EML3: variants seen among roughly 807,000 people sequenced by gnomAD.
The protein encoded by EML3 is echinoderm microtubule-associated protein-like 3.
EML3 carries 53 observed loss-of-function variants against 106.7 expected under a neutral mutation model. That is an observed-to-expected ratio of 0.50 (90% CI 0.40 to 0.62). EML3 has a LOEUF of 0.62. Among genes scored for constraint, EML3 ranks in the 20% least tolerant of loss-of-function variants. The probability of loss-of-function intolerance (pLI) is 0.00; values close to 1 mark genes in which losing one functional copy is unlikely to be tolerated. For missense variants in EML3, 994 were observed against 1,209.1 expected (o/e 0.82, Z 2.64); for synonymous variants, 499 against 489.6 (o/e 1.02, Z -0.25).
chr11:62,609,022 G>A lies in EML3; in HGVS notation c.869C>T (p.Pro290Leu), dbSNP rs779915601. ...CTGGCCGCCACCTCCAGGACCCCCT[G>A]GGCCTCCTCCAGGCCGGTACAGCAC... Reference protein sequence around the residue: ...VVVLYRPGGGPGGPGGGGQRH... With the variant: ...VVVLYRPGGGLGGPGGGGQRH... Residue 290 changes from proline (P) to leucine (L), a missense_variant, in exon 7 of 22, where the codon CCA becomes CTA. This residue lies in a region of EML3 where 713 missense variants were observed against 920.5 expected (regional missense o/e 0.77). Coordinates refer to ENST00000394773, the MANE Select transcript of EML3 (RefSeq NM_153265.3). 5.6e-6 allele frequency: 9 copies of A among 1,613,854 alleles called. No homozygotes were observed. In the South Asian group the frequency reaches 8.8e-5, roughly 16 times the overall value.
Position 62,611,219 on chromosome 11 carries a change from G to A in EML3, c.320C>T (p.Pro107Leu), listed in dbSNP as rs200820028. The A allele has an allele frequency of 2.0e-4, 324 of 1,611,048 alleles. 2 individuals carry two copies. The South Asian group carries it at 3.5e-3, about 17-fold the overall frequency. ...CTCTTCGCTGGCCCCCTGAGGGGCTGGGGGTCCATTGCTCAGGCCAGGGGG... is the reference window on the plus strand; with the variant it reads ...CTCTTCGCTGGCCCCCTGAGGGGCTAGGGGTCCATTGCTCAGGCCAGGGGG... ...PGPPGLSNGP[P>L]APQGASEEPS... is the part of the protein sequence containing the mutation. Residue 107 changes from proline (P) to leucine (L), a missense_variant, in exon 3 of 22, where the codon CCA (proline) becomes CTA (leucine). This residue lies in a region of EML3 where 269 missense variants were observed against 265.1 expected (regional missense o/e 1.01). Coordinates refer to ENST00000394773, the MANE Select transcript of EML3 (RefSeq NM_153265.3).
In EML3 at chr11:62,605,744, G is replaced by A. The variant is rs1164872780; in HGVS notation, c.1812C>T (p.Cys604=). 1.9e-6 allele frequency: 3 copies of A among 1,598,672 alleles called. No homozygotes were observed. The highest frequency in any genetic ancestry group is 2.6e-6 in the Non-Finnish European group (3 of 1,171,936). The change falls in exon 15 of 22, where the codon TGC becomes TGT. Residue 604 remains cysteine (C), a synonymous_variant. Coordinates refer to ENST00000394773, the MANE Select transcript of EML3 (RefSeq NM_153265.3). The surrounding 1 kb of genome is among the most constrained non-coding windows in gnomAD (Gnocchi z 5.2). ...QGHTDELWGL[C]THPSQNRFLT... ...GGAAGCGGTTCTGGGAGGGGTGTGT[G>A]CAGAGCCCCCAGAGCTCATCAGTGT...
Position 62,604,199 on chromosome 11 carries a change from C to A in EML3, c.1985G>T (p.Trp662Leu), listed in dbSNP as rs1212423967. The change falls in exon 17 of 22, where the codon TGG becomes TTG. Residue 662 changes from tryptophan (W) to leucine (L), a missense_variant and splice_region_variant. Trp to Leu is a moderately conservative substitution (Grantham distance 61). Coordinates refer to ENST00000394773, the MANE Select transcript of EML3 (RefSeq NM_153265.3). ...VVAVGLNTGRWLVLDTETREI... is the reference protein window; with the variant it reads ...VVAVGLNTGRLLVLDTETREI... ...TCTGGTCTCTGTGTCCAAAACCAAC[C>A]ACCTGGAAGGGAGGGAAGTGGAGGC... is the stretch of plus-strand genomic sequence containing the variant. 6.2e-7 allele frequency: 1 copy of A among 1,613,766 alleles called. No homozygotes were observed. The highest frequency in any genetic ancestry group is 8.5e-7 in the Non-Finnish European group (1 of 1,179,954).
intron 10 of EML3, 138 bp downstream of exon 10, chr11:62,608,063 G>A (rs929683248): frequency 3.3e-6 from 3 of 903,086 alleles, no homozygotes; most frequent in African/African-American, 3.3e-5. Context: ...AGAAACTAAG[G>A]GTCAGAGAAG....
chr11:62,606,917 T>C, intron 12 of EML3, 41 bp downstream of exon 12: 4 of 1,582,866 alleles, frequency 2.5e-6, no homozygotes, highest in Non-Finnish European at 3.4e-6. Context: ...ACAGAACCTC[T>C]GGAGTACTAC....
At chr11:62,606,856 C>CAAA (rs71056532) in intron 12 of EML3, 102 bp downstream of exon 12, 17,952 of 911,260 alleles carry the variant, frequency 0.02, 5 homozygotes, top group Non-Finnish European at 0.023. Flanking sequence ...GACCTCATCT[C>CAAA]AAAAAAAAAA....
intron 1 of EML3, chr11:62,612,104 CAG>C: frequency 2.2e-6 from 1 of 454,082 alleles, no homozygotes; most frequent in Non-Finnish European, 3.9e-6. Context: ...GAGTGGTGAG[CAG>C]AGTCACAGTG....
intron 7 of EML3, 30 bp downstream of exon 7, chr11:62,608,932 T>C (rs1295004816): frequency 6.2e-7 from 1 of 1,610,104 alleles, no homozygotes; most frequent in African/African-American, 1.3e-5. Flanking sequence ...ACCCTCTTCC[T>C]GCCAAGCCCA....
In EML3 at chr11:62,611,216, G is replaced by A; in HGVS notation, c.323C>T (p.Ala108Val). ...AGGCTCTTCGCTGGCCCCCTGAGGG[G>A]CTGGGGGTCCATTGCTCAGGCCAGG... ...GPPGLSNGPPAPQGASEEPSG... is the reference protein window; with the variant it reads ...GPPGLSNGPPVPQGASEEPSG... The change falls in exon 3 of 22, where the codon GCC becomes GTC. Residue 108 changes from alanine to valine, a missense_variant. Ala to Val is a moderately conservative substitution (Grantham distance 64, BLOSUM62 0). Around this residue, in one of 3 missense-constraint regions of EML3, gnomAD observed 269 missense variants for 265.1 expected, o/e 1.01. Transcript: ENST00000394773. The A allele has an allele frequency of 6.2e-7, 1 of 1,611,306 alleles. No homozygotes were observed. The highest frequency in any genetic ancestry group is 1.1e-5 in the South Asian group (1 of 91,080).
At chr11:62,609,211 G>A (rs1942687723) in intron 6 of EML3, 79 bp from the exon 7 acceptor site, 3 of 1,591,328 alleles carry the variant, frequency 1.9e-6, no homozygotes, top group Non-Finnish European at 2.6e-6. Flanking sequence ...AGAGCTTCTG[G>A]CTGGCAGGGC....
intron 10 of EML3, 137 bp downstream of exon 10, chr11:62,608,064 G>T: frequency 1.1e-6 from 1 of 911,350 alleles, no homozygotes; most frequent in Non-Finnish European, 1.7e-6. Flanking sequence ...GAAACTAAGG[G>T]TCAGAGAAGC....
chr11:62,608,395 A>C, intron 9 of EML3, 99 bp from the exon 10 acceptor site: 1 of 1,384,386 alleles, frequency 7.2e-7, no homozygotes, highest in East Asian at 2.3e-5. Flanking sequence ...TGGAGAGGGC[A>C]GAAAAAGTTG....
At chr11:62,610,519 CT>C (rs1942756680) in intron 4 of EML3, among the ~76,000 whole-genome samples, 1 of 152,110 alleles carries the variant, frequency 6.6e-6, no homozygotes, top group South Asian at 2.1e-4. Flanking sequence ...AGAAGGTGTG[CT>C]GTGATGTAGT....
rs1384881773 is a variant in EML3 at position 62,609,846 on chromosome 11, A to G, written c.567-150T>C. On this transcript the variant is annotated intron_variant, in intron 4 of 21. Transcript: ENST00000394773. ...TTCGTGAGTATCAGGGCCCTAGTAG[A>G]TGGAGACTTCTAGTTCCATTTAAGA... 6 of 643,678 alleles carry G rather than the reference A, an allele frequency of 9.3e-6. No homozygotes were observed. The Admixed American group carries it at 1.5e-4, about 16-fold the overall frequency. The allele number at this position is 643,678 out of a possible 1,614,324, so 39.9% of individuals were successfully genotyped here.
Position 62,606,053 on chromosome 11 carries a change from C to T in EML3, c.1656+10G>A, listed in dbSNP as rs759488783. 1.2e-6 allele frequency: 2 copies of T among 1,613,848 alleles called. No individual in the cohort carries two copies. The highest frequency in any genetic ancestry group is 1.7e-6 in the Non-Finnish European group (2 of 1,179,910). On this transcript the variant is annotated intron_variant, in intron 13 of 21. Coordinates refer to ENST00000394773, the MANE Select transcript of EML3 (RefSeq NM_153265.3). Reference sequence around the variant, plus strand: ...CTCCCTCACTCCCTTGACCCCAGCCCAGCCCTCACCTCAGCCTCCTGGAGG... The same window carrying T: ...CTCCCTCACTCCCTTGACCCCAGCCTAGCCCTCACCTCAGCCTCCTGGAGG...
chr11:62,612,091 T>G, intron 1 of EML3: 2 of 427,586 alleles, frequency 4.7e-6, no homozygotes, highest in South Asian at 6.9e-5. Flanking sequence ...CAGGAGAGAG[T>G]GTGAGTGGTG....
chr11:62,606,834 G>C (rs1324498409), intron 12 of EML3, 124 bp downstream of exon 12: 20 of 1,123,342 alleles, frequency 1.8e-5, no homozygotes, highest in Non-Finnish European at 2.3e-5. Flanking sequence ...TCCAGCCTGG[G>C]CAACAGAGTA....
intron 11 of EML3, 133 bp downstream of exon 11, chr11:62,607,533 G>A (rs557161322): frequency 3.4e-5 from 37 of 1,075,152 alleles, no homozygotes; most frequent in Admixed American, 2.3e-4. Flanking sequence ...GCAAGACTCC[G>A]TCTCAAAAGA....
At position 62,610,886 on chromosome 11, in the gene EML3, T is replaced by C; in HGVS notation, c.559A>G (p.Thr187Ala). ...AGGGGAAGCCTCACCCACCTCTCTG[T>C]GCTCCCGGACCGCACTAACAGGTTG... The part of the protein sequence containing the change: ...SANLLVRSGS[T>A]ESRGGKDPLS... The change falls in exon 4 of 22, where the codon ACA becomes GCA. Residue 187 changes from threonine to alanine, a missense_variant. This residue lies in a region of EML3 where 269 missense variants were observed against 265.1 expected (regional missense o/e 1.01). Coordinates refer to ENST00000394773, the MANE Select transcript of EML3 (RefSeq NM_153265.3). The C allele has an allele frequency of 6.2e-7, 1 of 1,609,998 alleles. No individual in the cohort carries two copies. Among genetic ancestry groups the C allele is most frequent in the Non-Finnish European group, 8.5e-7 (1 of 1,179,190 alleles).
Sources: allele counts gnomAD v4.1 joint callset (sites outside exome capture counted in the v4.1 genomes callset), GRCh38; gene constraint gnomAD v4.1.1; regional missense constraint gnomAD v4.1.1; non-coding constraint Gnocchi (gnomAD v3.1); transcripts MANE v1.5; gene names NCBI Gene and HGNC (gene_info 2026-07-23, HGNC 2026-07-21).